The following FRMD1 variants were observed in gnomAD, a reference collection of about 807,000 sequenced individuals.
The protein encoded by FRMD1 is FERM domain containing 1, also known as FERM domain-containing protein 1.
A neutral mutation model predicts 54.9 loss-of-function variants in FRMD1; 51 were observed. That is an observed-to-expected ratio of 0.93 (90% confidence interval 0.74 to 1.17). The LOEUF is 1.17. Among genes scored for constraint, FRMD1 ranks in the 50% most tolerant of loss-of-function variants. The pLI is 0.00. For synonymous variants in FRMD1, 324 were observed against 306.4 expected (o/e 1.06, Z -0.60); for missense variants, 729 against 743.0 (o/e 0.98, Z 0.22).
chr6:168,083,927 C>T (rs1314227937), upstream of FRMD1, among the ~76,000 whole-genome samples: 1 of 152,214 alleles, frequency 6.6e-6, no homozygotes, highest in African/African-American at 2.4e-5. Context: ...TACAAAGTCT[C>T]ATCTTATTTA....
At chr6:168,075,531 G>A (rs1473695184) in intron 1 of FRMD1, among the ~76,000 whole-genome samples, 196 bp from the exon 2 acceptor site, 1 of 152,156 alleles carries the variant, frequency 6.6e-6, no homozygotes, top group Admixed American at 6.5e-5. Flanking sequence ...TGTGAGTGCC[G>A]GGAAGTGAGG....
intron 1 of FRMD1, among the ~76,000 whole-genome samples, chr6:168,078,631 GCCTT>G (rs1800705198): frequency 1.2e-5 from 1 of 82,428 alleles, no homozygotes; most frequent in Non-Finnish European, 2.2e-5. Flanking sequence ...CACCCCCACA[GCCTT>G]GCTCACCCCC....
chr6:168,074,219 C>T (rs1800448690), intron 2 of FRMD1, among the ~76,000 whole-genome samples: 1 of 152,136 alleles, frequency 6.6e-6, no homozygotes, highest in African/African-American at 2.4e-5. Context: ...CCCAGGGGAC[C>T]GGCCCCACTC....
chr6:168,090,575 T>C (rs1280185284), intron 1 of FRMD1, among the ~76,000 whole-genome samples: 2 of 152,232 alleles, frequency 1.3e-5, no homozygotes, highest in African/African-American at 4.8e-5. Context: ...CAAGCCTGCA[T>C]GTTCATGGCT....
chr6:168,057,010 G>C lies in FRMD1; in HGVS notation c.*87C>G. ...TGCGGAAGTGCAGGCAGCATCTGGC[G>C]GGCAGGAAGGGACGAGGGCCATGTG... On this transcript the variant is annotated 3_prime_UTR_variant, in exon 11 of 11. Transcript: ENST00000283309. The C allele has an allele frequency of 7.2e-7, 1 of 1,380,498 alleles. No individual in the cohort carries two copies. The highest frequency in any genetic ancestry group is 1.5e-5 in the African/African-American group (1 of 67,642). The allele number at this position is 1,380,498 out of a possible 1,614,324, so 85.5% of individuals were successfully genotyped here. A position where few individuals can be genotyped will look rare whatever the true frequency, so the allele number is the denominator to read the frequency against.
chr6:168,065,925 T>A (rs1471536400), intron 4 of FRMD1: 1 of 1,000,132 alleles, frequency 1.0e-6, no homozygotes, highest in East Asian at 1.1e-4. Context: ...TGGAAGTAAG[T>A]CTCAGGATCC....
At chr6:168,080,155 T>C (rs1414376298), upstream of FRMD1, among the ~76,000 whole-genome samples, 1 of 151,886 alleles carries the variant, frequency 6.6e-6, no homozygotes, top group Non-Finnish European at 1.5e-5. Context: ...CCTTAAGGCC[T>C]GGCCCGGTGG....
Position 168,087,343 on chromosome 6 carries a change from C to A in FRMD1, c.-11-8319G>T, listed in dbSNP as rs181784932. ...CTCGCCTCCCAAAGTGCTGGGATTACAGGCATGAGCCACTGTGCCCGAACT... is the reference window on the plus strand; with the variant it reads ...CTCGCCTCCCAAAGTGCTGGGATTAAAGGCATGAGCCACTGTGCCCGAACT... On this transcript the variant is annotated intron_variant, in intron 1 of 12. Transcript: ENST00000644440. 4.7e-4 allele frequency among the ~76,000 whole-genome samples: 72 copies of A among 152,354 alleles called. No homozygotes were observed. The South Asian group carries it at 6.4e-3, about 14-fold the overall frequency.
At chr6:168,061,688 G>A (rs1006816320) in intron 8 of FRMD1, 119 bp downstream of exon 8, 6 of 1,102,842 alleles carry the variant, frequency 5.4e-6, no homozygotes, top group African/African-American at 1.6e-5. Flanking sequence ...GGACGTGGGA[G>A]TCAGGAGGCC....
At chr6:168,074,531 C>A (rs1423661604) in intron 2 of FRMD1, among the ~76,000 whole-genome samples, 1 of 136,138 alleles carries the variant, frequency 7.3e-6, no homozygotes. Context: ...TGTATGTGTA[C>A]ATGTGAGTAG....
intron 3 of FRMD1, 148 bp downstream of exon 3, chr6:168,067,217 CCG>C: frequency 1.6e-6 from 1 of 638,612 alleles, no homozygotes; most frequent in South Asian, 1.7e-5. Context: ...CCACTGTCCA[CCG>C]TGGTGCCCTG....
chr6:168,084,468 C>T (rs1250805071), upstream of FRMD1, among the ~76,000 whole-genome samples: 1 of 152,230 alleles, frequency 6.6e-6, no homozygotes, highest in African/African-American at 2.4e-5. Context: ...TAGAGGAGAA[C>T]AAATCCCACA....
intron 7 of FRMD1, among the ~76,000 whole-genome samples, chr6:168,062,316 C>T (rs922352404): frequency 6.6e-6 from 1 of 152,218 alleles, no homozygotes; most frequent in East Asian, 1.9e-4. Flanking sequence ...CCCCGGCACC[C>T]GGGCTGTGGG....
intron 7 of FRMD1, among the ~76,000 whole-genome samples, chr6:168,062,367 C>T (rs1357707033): frequency 6.6e-6 from 1 of 152,218 alleles, no homozygotes; most frequent in African/African-American, 2.4e-5. Context: ...ATGAGAGGAA[C>T]AGAGGCCACA....
chr6:168,081,315 C>A, upstream of FRMD1: 2 of 1,485,260 alleles, frequency 1.3e-6, no homozygotes, highest in Admixed American at 2.1e-5. Flanking sequence ...AAGGCAGAGG[C>A]GTGACCGGGC....
intron 1 of FRMD1, among the ~76,000 whole-genome samples, chr6:168,086,992 C>A (rs1429069801): frequency 7.2e-5 from 11 of 152,070 alleles, no homozygotes; most frequent in Non-Finnish European, 1.0e-4. Flanking sequence ...CTCAGCCCTG[C>A]GCTCACCAGC....
rs989347973 is a variant in FRMD1 at position 168,054,240 on chromosome 6, G to C, written c.*2857C>G. On this transcript the variant is annotated 3_prime_UTR_variant, in exon 11 of 11. Coordinates refer to ENST00000283309, the MANE Select transcript of FRMD1 (RefSeq NM_024919.6). ...GAGACCCACAGAAGCAGACGCAGTG[G>C]GGGGCTGAGAAACCCAGCCTGAACA... 1 of 152,268 alleles carries C rather than the reference G, an allele frequency of 6.6e-6. No individual in the cohort carries two copies. The allele number at this position is 152,268 out of a possible 1,614,324, so 9.4% of individuals were successfully genotyped here.
upstream of FRMD1, among the ~76,000 whole-genome samples, chr6:168,085,981 G>A (rs1800911262): frequency 6.6e-6 from 1 of 152,178 alleles, no homozygotes. Context: ...TCAAAGTTTG[G>A]CGAAAAAGTG....
chr6:168,064,346 A>AT (rs1799915265), intron 5 of FRMD1, among the ~76,000 whole-genome samples: 1 of 152,198 alleles, frequency 6.6e-6, no homozygotes, highest in Non-Finnish European at 1.5e-5. Flanking sequence ...GGTGACAGCC[A>AT]TCAATCCGCG....
Sources: allele counts gnomAD v4.1 joint callset (sites outside exome capture counted in the v4.1 genomes callset), GRCh38; gene constraint gnomAD v4.1.1; transcripts MANE v1.5; gene names NCBI Gene and HGNC (gene_info 2026-07-23, HGNC 2026-07-21).